ADK: variants seen among roughly 807,000 people sequenced by gnomAD.
The protein encoded by ADK is N6,N6-dimethyladenosine kinase.
A neutral mutation model predicts 44.7 loss-of-function variants in ADK; 24 were observed. That is an observed-to-expected ratio of 0.54 (90% CI 0.39 to 0.76). The LOEUF (loss-of-function observed/expected upper bound fraction) is 0.76. Among genes scored for constraint, ADK ranks in the 30% least tolerant of loss-of-function variants. The pLI is 0.00. For synonymous variants in ADK, 128 were observed against 142.6 expected (o/e 0.90, Z 0.73); for missense variants, 321 against 425.1 (o/e 0.76, Z 2.15).
intron 4 of ADK, among the ~76,000 whole-genome samples, chr10:74,316,014 G>A (rs1249280340): frequency 1.3e-5 from 2 of 152,048 alleles, no homozygotes; most frequent in African/African-American, 2.4e-5. Flanking sequence ...GAGGTGGACG[G>A]ATCACTTGAG....
At chr10:74,318,699 A>G (rs1840711210) in intron 4 of ADK, among the ~76,000 whole-genome samples, 1 of 152,236 alleles carries the variant, frequency 6.6e-6, no homozygotes, top group African/African-American at 2.4e-5. Flanking sequence ...AAAGTGATGG[A>G]CATTTTGAAC....
intron 7 of ADK, chr10:74,527,811 T>G: frequency 7.1e-7 from 1 of 1,401,522 alleles, no homozygotes; most frequent in Non-Finnish European, 1.0e-6. Context: ...CAGCGATCCT[T>G]AATAGAGTGG....
chr10:74,671,982 G>A (rs966463367), intron 10 of ADK, among the ~76,000 whole-genome samples: 2 of 152,148 alleles, frequency 1.3e-5, no homozygotes, highest in South Asian at 2.1e-4. Context: ...ACTTTTTGAG[G>A]GAGGGAGAGG....
At chr10:74,597,321 C>G (rs1206356468) in intron 8 of ADK, among the ~76,000 whole-genome samples, 1 of 152,166 alleles carries the variant, frequency 6.6e-6, no homozygotes, top group East Asian at 1.9e-4. Context: ...ACCCTTCACC[C>G]AGTTTACCCT....
At chr10:74,705,138 T>C (rs1248965766) in intron 10 of ADK, among the ~76,000 whole-genome samples, 3 of 152,254 alleles carry the variant, frequency 2.0e-5, no homozygotes, top group East Asian at 3.8e-4. Context: ...AAATCACTTA[T>C]AATGTTCTCT....
At chr10:74,567,540 C>G (rs774118194) in intron 7 of ADK, among the ~76,000 whole-genome samples, 11 of 152,102 alleles carry the variant, frequency 7.2e-5, no homozygotes, top group Admixed American at 2.6e-4. Context: ...TACTTACTTG[C>G]TATTCTCAGG....
intron 9 of ADK, among the ~76,000 whole-genome samples, chr10:74,660,705 G>C (rs1332399065): frequency 6.9e-6 from 1 of 145,810 alleles, no homozygotes; most frequent in Non-Finnish European, 1.5e-5. Context: ...ACTCCAGCCA[G>C]GGTGACAAAG....
At chr10:74,628,372 T>A (rs2134050894) in intron 9 of ADK, among the ~76,000 whole-genome samples, 1 of 152,158 alleles carries the variant, frequency 6.6e-6, no homozygotes, top group South Asian at 2.1e-4. Flanking sequence ...AAGCCAAAGC[T>A]GCACTAAATA....
intron 3 of ADK, among the ~76,000 whole-genome samples, chr10:74,232,797 T>C (rs1315922521): frequency 3.3e-5 from 5 of 152,080 alleles, no homozygotes; most frequent in Admixed American, 3.3e-4. Flanking sequence ...GGCTGATTTT[T>C]CTATTTTTAG....
intron 8 of ADK, 44 bp downstream of exon 8, chr10:74,589,361 T>G (rs770609546): frequency 6.3e-7 from 1 of 1,597,712 alleles, no homozygotes; most frequent in South Asian, 1.1e-5. Flanking sequence ...CCTAAAGGTT[T>G]TTTCTAGCTG....
chr10:74,676,117 G>T (rs1051905003), intron 10 of ADK, among the ~76,000 whole-genome samples: 4 of 151,162 alleles, frequency 2.6e-5, no homozygotes, highest in Non-Finnish European at 5.9e-5. Flanking sequence ...TACTTTGTTG[G>T]TTTTTTTTGT....
chr10:74,608,542 T>G (rs1852424729), intron 9 of ADK, among the ~76,000 whole-genome samples: 1 of 152,248 alleles, frequency 6.6e-6, no homozygotes, highest in African/African-American at 2.4e-5. Context: ...CCTGTTTGCC[T>G]GGGTATCACC....
At chr10:74,320,597 G>C (rs1840775115) in intron 4 of ADK, among the ~76,000 whole-genome samples, 1 of 151,520 alleles carries the variant, frequency 6.6e-6, no homozygotes, top group Admixed American at 6.6e-5. Flanking sequence ...TTTCCTTCTG[G>C]CATTCTCATA....
intron 4 of ADK, among the ~76,000 whole-genome samples, chr10:74,340,801 T>C (rs536963071): frequency 2.6e-5 from 4 of 152,340 alleles, no homozygotes; most frequent in Admixed American, 6.5e-5. Context: ...ATATTACCAA[T>C]TTTAAATACT....
intron 4 of ADK, among the ~76,000 whole-genome samples, chr10:74,371,138 G>C (rs1245002739): frequency 6.6e-6 from 1 of 152,180 alleles, no homozygotes; most frequent in African/African-American, 2.4e-5. Context: ...ATTAAAGTGT[G>C]TTATGTTTAC....
intron 7 of ADK, among the ~76,000 whole-genome samples, chr10:74,581,156 C>T (rs982090152): frequency 6.6e-6 from 1 of 151,706 alleles, no homozygotes; most frequent in African/African-American, 2.4e-5. Context: ...TGTTAGGATT[C>T]GTTGACAAAG....
At chr10:74,504,636 A>G (rs574357486) in intron 6 of ADK, among the ~76,000 whole-genome samples, 1 of 152,204 alleles carries the variant, frequency 6.6e-6, no homozygotes, top group South Asian at 2.1e-4. Flanking sequence ...CTCAAATCTC[A>G]TCTCGAATTT....
chr10:74,286,677 A>T (rs1847173628), intron 3 of ADK, among the ~76,000 whole-genome samples: 1 of 152,240 alleles, frequency 6.6e-6, no homozygotes, highest in African/African-American at 2.4e-5. Flanking sequence ...AGACAATGAT[A>T]TTTGAAGTTA....
At chr10:74,301,811 TATGC>T (rs1840041974) in intron 3 of ADK, among the ~76,000 whole-genome samples, 1 of 152,056 alleles carries the variant, frequency 6.6e-6, no homozygotes, top group Admixed American at 6.5e-5. Flanking sequence ...AGAAACCAGT[TATGC>T]ATTGGGTTGA....
Sources: gnomAD v4.1 joint callset for allele counts (sites outside exome capture counted in the v4.1 genomes callset) on GRCh38, gnomAD v4.1.1 for gene constraint, MANE v1.5 for transcripts, NCBI Gene and HGNC (gene_info 2026-07-23, HGNC 2026-07-21) for gene names.